Variants in ARAP2 observed in about 807,000 individuals in gnomAD.
ARAP2 encodes arf-GAP with Rho-GAP domain, ANK repeat and PH domain-containing protein 2.
Under a neutral mutation model 194.5 loss-of-function variants are expected in ARAP2, and 148 were observed. That is an observed-to-expected ratio of 0.76 (90% CI 0.67 to 0.87). The LOEUF (loss-of-function observed/expected upper bound fraction) is 0.87. ARAP2 is among the 40% of genes least tolerant of loss of function. The pLI is 0.00. For missense variants in ARAP2, 2,128 were observed against 1,989.7 expected (o/e 1.07, Z -1.32); for synonymous variants, 695 against 683.5 (o/e 1.02, Z -0.26).
chr4:36,158,981 G>C (rs17457286), intron 14 of ARAP2, 117 bp from the exon 15 acceptor site: 14 of 981,770 alleles, frequency 1.4e-5, no homozygotes, highest in Non-Finnish European at 1.8e-5. Context: ...ATTTACCAAA[G>C]AATAATTACA....
At chr4:36,199,973 A>G (rs1299972309) in intron 6 of ARAP2, among the ~76,000 whole-genome samples, 4 of 152,210 alleles carry the variant, frequency 2.6e-5, no homozygotes, top group Non-Finnish European at 5.9e-5. Flanking sequence ...TGAAAATCAC[A>G]TCTCAATAAA....
chr4:36,081,808 G>A (rs1368629276), intron 30 of ARAP2, among the ~76,000 whole-genome samples: 1 of 151,910 alleles, frequency 6.6e-6, no homozygotes, highest in East Asian at 1.9e-4. Context: ...GACACAGGGA[G>A]GTGAAGAGAA....
At chr4:36,214,151 AT>A (rs1747393428) in intron 3 of ARAP2, among the ~76,000 whole-genome samples, 1 of 152,214 alleles carries the variant, frequency 6.6e-6, no homozygotes. Flanking sequence ...ATTTAGTTAA[AT>A]GCCTGCAACT....
At chr4:36,185,712 A>C (rs1315221978) in intron 8 of ARAP2, among the ~76,000 whole-genome samples, 2 of 151,996 alleles carry the variant, frequency 1.3e-5, no homozygotes, top group Non-Finnish European at 2.9e-5. Flanking sequence ...GCAGTGGCTC[A>C]TGCCTGTAAT....
At chr4:36,037,506 T>A (rs1405132841) in intron 5 of ARAP2, among the ~76,000 whole-genome samples, 1 of 152,146 alleles carries the variant, frequency 6.6e-6, no homozygotes, top group African/African-American at 2.4e-5. Flanking sequence ...AAGCATAGAA[T>A]GGGGGCAAGG....
downstream of ARAP2, among the ~76,000 whole-genome samples, chr4:36,064,464 T>G (rs986320155): frequency 2.0e-5 from 3 of 152,240 alleles, no homozygotes; most frequent in African/African-American, 7.2e-5. Flanking sequence ...AGTGGGCTCC[T>G]GTCCCTGCAG....
chr4:36,070,050 T>C (rs772908826), intron 32 of ARAP2, among the ~76,000 whole-genome samples: 15 of 152,170 alleles, frequency 9.9e-5, no homozygotes, highest in South Asian at 2.1e-4. Flanking sequence ...GATGCCACCA[T>C]GCTTCCTGTG....
At chr4:36,161,936 G>A (rs1044070577) in intron 11 of ARAP2, among the ~76,000 whole-genome samples, 9 of 151,628 alleles carry the variant, frequency 5.9e-5, no homozygotes, top group Admixed American at 3.9e-4. Context: ...GTGAAACCCC[G>A]TCTCTACTAA....
intron 32 of ARAP2, among the ~76,000 whole-genome samples, chr4:36,071,539 C>T (rs184566820): frequency 6.6e-6 from 1 of 152,214 alleles, no homozygotes; most frequent in South Asian, 2.1e-4. Flanking sequence ...TCTCATATGA[C>T]TTTCAATAGG....
intron 27 of ARAP2, among the ~76,000 whole-genome samples, chr4:36,094,601 CACAA>C (rs1714680834): frequency 6.6e-6 from 1 of 152,058 alleles, no homozygotes; most frequent in African/African-American, 2.4e-5. Flanking sequence ...TTCCCAGGAA[CACAA>C]CAGAAAGGGA....
intron 6 of ARAP2, among the ~76,000 whole-genome samples, chr4:36,205,852 T>C (rs1351338671): frequency 1.3e-5 from 2 of 152,356 alleles, no homozygotes; most frequent in East Asian, 3.9e-4. Flanking sequence ...AATGAAACTT[T>C]TTTCGTCCTC....
chr4:36,192,161 T>C (rs1180761774), intron 7 of ARAP2, among the ~76,000 whole-genome samples: 1 of 127,034 alleles, frequency 7.9e-6, no homozygotes, highest in Non-Finnish European at 1.6e-5. Context: ...CCAAATCCAG[T>C]GTTTCTGTTT....
chr4:36,037,900 C>T (rs1720209855), intron 5 of ARAP2, among the ~76,000 whole-genome samples: 1 of 152,092 alleles, frequency 6.6e-6, no homozygotes, highest in Non-Finnish European at 1.5e-5. Flanking sequence ...CTCTGGTTTC[C>T]AAATTCTTAG....
rs773060407 is a variant in ARAP2, at chr4:36,187,432, GATAA to G, written c.1678+15_1678+18del. ...GTCAGAAATTAATGTATTTCATATG[GATAA>G]ATAAATAATCTCACCTTCTTTTTCT... On this transcript the variant is annotated intron_variant, in intron 8 of 32. Transcript: ENST00000303965. The G allele has an allele frequency of 2.4e-4, 320 of 1,321,754 alleles. 2 individuals are homozygous for G. The highest frequency in any genetic ancestry group is 2.0e-3 in the Middle Eastern group (9 of 4,464). 81.9% of individuals were successfully genotyped at this position (1,321,754 alleles called of 1,614,324 possible).
At chr4:36,016,599 G>A (rs1715844145) in intron 6 of ARAP2, among the ~76,000 whole-genome samples, 1 of 152,110 alleles carries the variant, frequency 6.6e-6, no homozygotes, top group South Asian at 2.1e-4. Flanking sequence ...TAGTACCAAT[G>A]GGTATCTTTG....
intron 13 of ARAP2, 26 bp from the exon 14 acceptor site, chr4:36,159,531 C>A: frequency 6.8e-7 from 1 of 1,461,862 alleles, no homozygotes. Flanking sequence ...AAATATACAT[C>A]TTAAGGAAAG....
Position 36,092,024 on chromosome 4 carries a change from TA to T in ARAP2, c.4286-5del. The T allele has an allele frequency of 6.5e-7, 1 of 1,545,038 alleles. No homozygotes were observed. Among genetic ancestry groups the T allele is most frequent in the Non-Finnish European group, 8.8e-7 (1 of 1,133,656 alleles). On this transcript the variant is annotated splice_region_variant and splice_polypyrimidine_tract_variant and intron_variant, in intron 27 of 32. Transcript: ENST00000303965. ...ATGCTTCCCAGTGTACTCCGGTCTG[TA>T]AAGTACAGCATTACTTTTGTGAGTT...
chr4:36,187,444 A>G lies in ARAP2; in HGVS notation c.1678+7T>C. On this transcript the variant is annotated splice_region_variant and intron_variant, in intron 8 of 32. Coordinates refer to ENST00000303965, the MANE Select transcript of ARAP2 (RefSeq NM_015230.4). ...TGTATTTCATATGGATAAATAAATA[A>G]TCTCACCTTCTTTTTCTACTCTAAA... 7.3e-7 allele frequency: 1 copy of G among 1,377,278 alleles called. No individual in the cohort carries two copies. The highest frequency in any genetic ancestry group is 9.8e-7 in the Non-Finnish European group (1 of 1,016,624). The allele number at this position is 1,377,278 out of a possible 1,614,324, so 85.3% of individuals were successfully genotyped here.
intron 15 of ARAP2, among the ~76,000 whole-genome samples, chr4:36,153,735 A>G (rs1214999463): frequency 6.6e-6 from 1 of 152,210 alleles, no homozygotes; most frequent in Non-Finnish European, 1.5e-5. Context: ...TACAGCCTAC[A>G]GGACAACATA....
Sources: allele counts gnomAD v4.1 joint callset (sites outside exome capture counted in the v4.1 genomes callset), GRCh38; gene constraint gnomAD v4.1.1; transcripts MANE v1.5; gene names NCBI Gene and HGNC (gene_info 2026-07-23, HGNC 2026-07-21).